The following FOXP2 variants were observed in gnomAD, a reference collection of about 807,000 sequenced individuals.
The protein encoded by FOXP2 is forkhead box P2, also known as forkhead box protein P2.
In FOXP2, 12 loss-of-function variants were observed where a neutral mutation model predicts 115.8. The observed-to-expected ratio is 0.10, with a 90% confidence interval of 0.07 to 0.17. The LOEUF (loss-of-function observed/expected upper bound fraction) is 0.17. Among genes scored for constraint, FOXP2 ranks in the 10% least tolerant of loss-of-function variants. The probability of loss-of-function intolerance (pLI) is 1.00; values close to 1 mark genes in which losing one functional copy is unlikely to be tolerated. For missense variants in FOXP2, 629 were observed against 843.5 expected (o/e 0.75, Z 3.15); for synonymous variants, 328 against 297.7 (o/e 1.10, Z -1.05).
rs143219318 is a variant in FOXP2, at chr7:114,255,675, T to A, written c.-101-32344T>A. Among the ~76,000 whole-genome samples the A allele has an allele frequency of 2.7e-3, 414 of 152,286 alleles. 3 individuals carry two copies. The highest frequency in any genetic ancestry group is 9.5e-3 in the African/African-American group (395 of 41,562). On this transcript the variant is annotated intron_variant, in intron 1 of 17. Transcript: ENST00000634411. The stretch of plus-strand genomic sequence containing the variant: ...TATTAAGGTGGGAGTGACCCAATTT[T>A]CCAGGTGCCATCTGTCACAGCTTCG...
chr7:114,364,006 G>A (rs1791816403), intron 2 of FOXP2, among the ~76,000 whole-genome samples: 2 of 152,064 alleles, frequency 1.3e-5, no homozygotes, highest in South Asian at 4.1e-4. Context: ...TCATTTTAAA[G>A]TTGACTTAAA....
chr7:114,392,027 A>C (rs1792615777), intron 2 of FOXP2, among the ~76,000 whole-genome samples: 1 of 152,166 alleles, frequency 6.6e-6, no homozygotes, highest in Non-Finnish European at 1.5e-5. Flanking sequence ...TGTTGTCAAG[A>C]TCTTTAATAC....
chr7:114,491,811 G>T (rs1373825975), intron 2 of FOXP2, among the ~76,000 whole-genome samples: 1 of 152,116 alleles, frequency 6.6e-6, no homozygotes, highest in Non-Finnish European at 1.5e-5. Context: ...GATTCGGTTT[G>T]CCAGTATTTT....
intron 2 of FOXP2, among the ~76,000 whole-genome samples, chr7:114,319,921 C>A (rs1797375981): frequency 6.6e-6 from 1 of 152,178 alleles, no homozygotes; most frequent in Non-Finnish European, 1.5e-5. Flanking sequence ...TAACTTACTA[C>A]ATTGCAGAGT....
At chr7:114,234,033 A>C (rs534213742) in intron 1 of FOXP2, among the ~76,000 whole-genome samples, 3 of 152,232 alleles carry the variant, frequency 2.0e-5, no homozygotes, top group Admixed American at 1.3e-4. Context: ...CAAAAAAACT[A>C]CAGAAGAATA....
intron 2 of FOXP2, among the ~76,000 whole-genome samples, chr7:114,513,149 T>A (rs2129263284): frequency 6.6e-6 from 1 of 152,308 alleles, no homozygotes; most frequent in South Asian, 2.1e-4. Context: ...TCTCTAGGAC[T>A]ACTTTCATAA....
chr7:114,148,578 C>T (rs541923487), intron 1 of FOXP2, among the ~76,000 whole-genome samples: 13 of 152,214 alleles, frequency 8.5e-5, no homozygotes, highest in African/African-American at 3.1e-4. Flanking sequence ...AGACTTTTTC[C>T]ATTAGATACT....
At chr7:114,346,854 A>C (rs1791361063) in intron 2 of FOXP2, among the ~76,000 whole-genome samples, 1 of 151,712 alleles carries the variant, frequency 6.6e-6, no homozygotes, top group Non-Finnish European at 1.5e-5. Context: ...ATGAGGAGGA[A>C]TACATTCTGG....
At chr7:114,282,945 T>C (rs1418310318) in intron 1 of FOXP2, among the ~76,000 whole-genome samples, 2 of 152,194 alleles carry the variant, frequency 1.3e-5, no homozygotes, top group Non-Finnish European at 2.9e-5. Context: ...GTAGGAATAA[T>C]GTAGGCACTG....
intron 2 of FOXP2, among the ~76,000 whole-genome samples, chr7:114,315,221 T>C (rs1255849302): frequency 6.6e-6 from 1 of 152,192 alleles, no homozygotes; most frequent in Non-Finnish European, 1.5e-5. Flanking sequence ...GGAAGGAAAC[T>C]AATGTTCATT....
intron 2 of FOXP2, among the ~76,000 whole-genome samples, chr7:114,479,242 TTTTGTAA>T (rs1446484379): frequency 6.6e-6 from 1 of 151,714 alleles, no homozygotes; most frequent in East Asian, 1.9e-4. Context: ...AGTGCAGGCT[TTTTGTAA>T]AAGTAGGTTA....
At chr7:114,294,669 C>T (rs570270336) in intron 2 of FOXP2, among the ~76,000 whole-genome samples, 91 of 151,818 alleles carry the variant, frequency 6.0e-4, no homozygotes, top group African/African-American at 1.7e-4. Flanking sequence ...GGTGAAACTC[C>T]GTCTTTACTG....
At chr7:114,304,410 G>C (rs1373054323) in intron 2 of FOXP2, among the ~76,000 whole-genome samples, 1 of 151,848 alleles carries the variant, frequency 6.6e-6, no homozygotes, top group African/African-American at 2.4e-5. Context: ...GGTGACTCAT[G>C]CCTGTAATTC....
At chr7:114,389,544 CT>C (rs888129410) in intron 2 of FOXP2, among the ~76,000 whole-genome samples, 2 of 151,950 alleles carry the variant, frequency 1.3e-5, no homozygotes, top group African/African-American at 4.8e-5. Flanking sequence ...AAACATAGGA[CT>C]TTTTTTTCAT....
chr7:114,609,190 AT>A (rs1275415025), intron 3 of FOXP2, among the ~76,000 whole-genome samples: 2 of 150,952 alleles, frequency 1.3e-5, no homozygotes, highest in Non-Finnish European at 3.0e-5. Context: ...TCCAGCCTGG[AT>A]GACAGAGTGG....
At chr7:114,642,698 A>G in intron 7 of FOXP2, 75 bp downstream of exon 7, 1 of 1,351,350 alleles carries the variant, frequency 7.4e-7, no homozygotes, top group East Asian at 2.4e-5. Context: ...ATGAAAAAGA[A>G]CAATTTGTAC....
intron 1 of FOXP2, among the ~76,000 whole-genome samples, chr7:114,267,000 T>TAG (rs1437151182): frequency 6.6e-6 from 1 of 152,152 alleles, no homozygotes; most frequent in African/African-American, 2.4e-5. Flanking sequence ...AACGTTTGAA[T>TAG]AGAGTTCATT....
At chr7:114,608,326 A>C (rs531869243) in intron 3 of FOXP2, among the ~76,000 whole-genome samples, 1 of 152,196 alleles carries the variant, frequency 6.6e-6, no homozygotes, top group African/African-American at 2.4e-5. Context: ...TCTGCTTCCA[A>C]GCTCATTCAA....
At chr7:114,096,834 T>C (rs1335506132) in intron 1 of FOXP2, among the ~76,000 whole-genome samples, 2 of 152,218 alleles carry the variant, frequency 1.3e-5, no homozygotes, top group Non-Finnish European at 2.9e-5. Context: ...TTAATGTTTA[T>C]CTTCTTATTC....
Sources: gnomAD v4.1 joint callset for allele counts (sites outside exome capture counted in the v4.1 genomes callset) on GRCh38, gnomAD v4.1.1 for gene constraint, MANE v1.5 for transcripts, NCBI Gene and HGNC (gene_info 2026-07-23, HGNC 2026-07-21) for gene names.